PIWIL3: variants seen among roughly 807,000 people sequenced by gnomAD.
The protein encoded by PIWIL3 is piwi like RNA-mediated gene silencing 3.
In PIWIL3, 101 loss-of-function variants were observed where a neutral mutation model predicts 109.7. That is an observed-to-expected ratio of 0.92 (90% CI 0.78 to 1.09). The LOEUF (loss-of-function observed/expected upper bound fraction) is 1.09, where lower values mean the gene tolerates loss of function less well. PIWIL3 is among the 50% of genes least tolerant of loss of function. The pLI, the probability that PIWIL3 is intolerant of heterozygous loss-of-function variation, is 0.00. For synonymous variants in PIWIL3, 373 were observed against 376.4 expected, an observed-to-expected ratio of 0.99 and a Z score of 0.10; for missense variants, 1,031 against 1,072.6, an observed-to-expected ratio of 0.96 and a Z score of 0.54.
chr22:24,749,809 T>A lies in PIWIL3; in HGVS notation c.1100A>T (p.Glu367Val). Residue 367 changes from glutamate (E) to valine (V), a missense_variant, in exon 10 of 21, where the codon GAA (glutamate) becomes GTA (valine). Coordinates refer to ENST00000616349, the MANE Select transcript of PIWIL3 (RefSeq NM_001255975.1). ...TGGCTGTTTCTTCACTGTGACAATT[T>A]CTTTATGTTGCTGCTCAACAAACAA... ...YIDYYRQQHK[E>V]IVTVKKQPLL... 1 of 1,613,212 alleles carries A rather than the reference T, an allele frequency of 6.2e-7. No homozygotes were observed. The highest frequency in any genetic ancestry group is 8.5e-7 in the Non-Finnish European group (1 of 1,179,560).
intron 12 of PIWIL3, among the ~76,000 whole-genome samples, chr22:24,747,064 C>T (rs780218143): frequency 8.5e-5 from 13 of 152,084 alleles, no homozygotes; most frequent in Non-Finnish European, 1.8e-4. Context: ...AATCATATTA[C>T]CTGACTTCAA....
intron 15 of PIWIL3, 44 bp from the exon 16 acceptor site, chr22:24,728,097 A>C: frequency 6.2e-7 from 1 of 1,608,130 alleles, no homozygotes; most frequent in Non-Finnish European, 8.5e-7. Context: ...GAACGTGAGC[A>C]AAATTTAAGC....
intron 12 of PIWIL3, among the ~76,000 whole-genome samples, chr22:24,738,520 C>T (rs1323404569): frequency 2.0e-5 from 3 of 152,234 alleles, no homozygotes; most frequent in Non-Finnish European, 4.4e-5. Context: ...CTGTGTCACC[C>T]CAAACCCAGC....
At chr22:24,770,264 A>G (rs2027610) in intron 1 of PIWIL3, among the ~76,000 whole-genome samples, 103,048 of 152,112 alleles carry the variant, frequency 0.68, 35,205 homozygotes, top group East Asian at 0.75. Context: ...AAGTGTCAGT[A>G]TGACGACATC....
chr22:24,748,944 ACT>A lies in PIWIL3; in HGVS notation c.1410_1411del (p.Arg470SerfsTer15), dbSNP rs1377580734. 4.4e-5 allele frequency: 71 copies of A among 1,613,212 alleles called. No homozygotes were observed. Among genetic ancestry groups the A allele is most frequent in the Non-Finnish European group, 5.8e-5 (69 of 1,179,744 alleles). ...TTGCACGATGTTTGCGTTTTTCAAA[ACT>A]CTTCCCGGGACGGACAAAAAATTGG... is the stretch of plus-strand genomic sequence containing the variant. On this transcript the variant is annotated frameshift_variant, in exon 12 of 21. Transcript: ENST00000616349. LOFTEE classifies it high-confidence loss of function.
rs771448312 is a variant in PIWIL3, at chr22:24,762,384, G to A, written c.102+14C>T. 1.6e-5 allele frequency: 26 copies of A among 1,606,056 alleles called. No individual in the cohort carries two copies. Among genetic ancestry groups the A allele is most frequent in the Admixed American group, 1.2e-4 (7 of 57,660 alleles). ...ATATCTCTTGCAGAAAGGAAACAACGTTACAGGGCTCACTGTAGCTGATCC... is the reference window on the plus strand; with the variant it reads ...ATATCTCTTGCAGAAAGGAAACAACATTACAGGGCTCACTGTAGCTGATCC... On this transcript the variant is annotated intron_variant, in intron 2 of 20. Transcript: ENST00000616349.
chr22:24,744,178 T>TTAAAAAA lies in PIWIL3; in HGVS notation c.1449+4728_1449+4729insTTTTTTA, dbSNP rs1924180538. On this transcript the variant is annotated intron_variant, in intron 12 of 20. Coordinates refer to ENST00000616349, the MANE Select transcript of PIWIL3 (RefSeq NM_001255975.1). ...ACTCTAATTGAAAGAGTGACCGAATTAAAAAAAAAAAAAAAAAAAAAAAAA... is the reference window on the plus strand; with the variant it reads ...ACTCTAATTGAAAGAGTGACCGAATTTAAAAAAAAAAAAAAAAAAAAAAAAAAAAAAA... 7.6e-3 allele frequency among the ~76,000 whole-genome samples: 260 copies of TTAAAAAA among 34,310 alleles called. 69 individuals carry two copies. The highest frequency in any genetic ancestry group is 0.015 in the East Asian group (9 of 598). The allele number at this position is 34,310 out of a possible 152,430, so 22.5% of individuals were successfully genotyped here.
chr22:24,759,384 G>A (rs1250698140), intron 3 of PIWIL3, among the ~76,000 whole-genome samples: 1 of 152,168 alleles, frequency 6.6e-6, no homozygotes, highest in Non-Finnish European at 1.5e-5. Context: ...GCTATAGAAA[G>A]CAAAGAGGAG....
chr22:24,755,675 T>A, intron 6 of PIWIL3, 109 bp downstream of exon 6: 1 of 1,391,622 alleles, frequency 7.2e-7, no homozygotes, highest in Non-Finnish European at 9.9e-7. Flanking sequence ...TCTTAATACA[T>A]GAGGACTAGG....
chr22:24,723,095 CAT>C, intron 19 of PIWIL3, 33 bp downstream of exon 19: 1 of 1,597,518 alleles, frequency 6.3e-7, no homozygotes, highest in Non-Finnish European at 8.6e-7. Context: ...TTGAGAAAAT[CAT>C]AGAACCATGT....
intron 12 of PIWIL3, among the ~76,000 whole-genome samples, chr22:24,744,173 C>CGAAA (rs1601836513): frequency 4.4e-5 from 1 of 22,510 alleles, no homozygotes; most frequent in Admixed American, 7.3e-4. Context: ...AAAGAGTGAC[C>CGAAA]GAATTAAAAA....
rs1260201511 is a variant in PIWIL3, at chr22:24,734,087, C to A, written c.1704G>T (p.Gln568His). ...TLRKYTRPTL[Q>H]MVICILPNDD... The stretch of plus-strand genomic sequence containing the variant: ...CATGTATCAACTAGACACTTACCAT[C>A]TGCAGTGTTGGTCTAGTATATTTCC... Residue 568 changes from glutamine (Q) to histidine (H), a missense_variant, in exon 14 of 21, where the codon CAG becomes CAT. Coordinates refer to ENST00000616349, the MANE Select transcript of PIWIL3 (RefSeq NM_001255975.1). The A allele has an allele frequency of 6.2e-7, 1 of 1,610,316 alleles. No homozygotes were observed. Among genetic ancestry groups the A allele is most frequent in the African/African-American group, 1.3e-5 (1 of 74,820 alleles).
chr22:24,756,474 AAAC>A lies in PIWIL3; in HGVS notation c.570+14_570+16del, dbSNP rs766982517. 1.6e-5 allele frequency: 26 copies of A among 1,599,410 alleles called. No individual in the cohort carries two copies. In the East Asian group the frequency reaches 2.0e-4, roughly 12 times the overall value. Reference sequence around the variant, plus strand: ...AAGAGAAAGAACACAGGAAAATGTGAAACAACATTACTTAACCCGCTCTTTTAG... The same window carrying A: ...AAGAGAAAGAACACAGGAAAATGTGAAACATTACTTAACCCGCTCTTTTAG... On this transcript the variant is annotated intron_variant, in intron 5 of 20. Coordinates refer to ENST00000616349, the MANE Select transcript of PIWIL3 (RefSeq NM_001255975.1).
chr22:24,749,604 C>T, intron 10 of PIWIL3, 83 bp from the exon 11 acceptor site: 1 of 1,610,996 alleles, frequency 6.2e-7, no homozygotes, highest in Non-Finnish European at 8.5e-7. Flanking sequence ...GAACCTACTA[C>T]CAAGGAGACA....
chr22:24,761,939 G>A (rs1925461984), intron 2 of PIWIL3: 26 of 986,146 alleles, frequency 2.6e-5, no homozygotes, highest in Non-Finnish European at 3.0e-5. Flanking sequence ...GTCAGATGGG[G>A]CCCCGCAGCG....
chr22:24,754,134 T>TG lies in PIWIL3; in HGVS notation c.856dup (p.His286ProfsTer11). The TG allele has an allele frequency of 6.2e-7, 1 of 1,614,086 alleles. No individual in the cohort carries two copies. Among genetic ancestry groups the TG allele is most frequent in the South Asian group, 1.1e-5 (1 of 91,086 alleles). Reference sequence around the variant, plus strand: ...AGCAGTTTCTATTCGGAGCAGTTTGTGGCTCACATCGGCACAGAGGGTAAT... The same window carrying TG: ...AGCAGTTTCTATTCGGAGCAGTTTGTGGGCTCACATCGGCACAGAGGGTAAT... On this transcript the variant is annotated frameshift_variant, in exon 8 of 21. Coordinates refer to ENST00000616349, the MANE Select transcript of PIWIL3 (RefSeq NM_001255975.1). LOFTEE classifies it high-confidence loss of function.
At chr22:24,761,889 T>A (rs1925458444) in intron 2 of PIWIL3, 2 of 889,850 alleles carry the variant, frequency 2.2e-6, no homozygotes. Flanking sequence ...CTGGAAGGCA[T>A]CGTGCTACTT....
At chr22:24,720,528 C>T (rs1340547514) in intron 19 of PIWIL3, among the ~76,000 whole-genome samples, 1 of 152,122 alleles carries the variant, frequency 6.6e-6, no homozygotes, top group Non-Finnish European at 1.5e-5. Context: ...GCCTCGGCCT[C>T]CCAAAGTGCT....
At chr22:24,767,402 T>G (rs1329457762) in intron 1 of PIWIL3, among the ~76,000 whole-genome samples, 2 of 151,468 alleles carry the variant, frequency 1.3e-5, no homozygotes, top group Admixed American at 6.6e-5. Context: ...AATAAATAAA[T>G]TAGCCAGGTG....
Sources: allele counts gnomAD v4.1 joint callset (sites outside exome capture counted in the v4.1 genomes callset), GRCh38; gene constraint gnomAD v4.1.1; transcripts MANE v1.5; gene names NCBI Gene and HGNC (gene_info 2026-07-23, HGNC 2026-07-21).